The following FAM117A variants were observed in gnomAD, a reference collection of about 807,000 sequenced individuals.
FAM117A encodes the protein family with sequence similarity 117 member A, also known as protein FAM117A.
FAM117A carries 21 observed loss-of-function variants against 44.1 expected under a neutral mutation model. That is an observed-to-expected ratio of 0.48 (90% CI 0.34 to 0.69). FAM117A has a LOEUF of 0.69. Among genes scored for constraint, FAM117A ranks in the 30% least tolerant of loss-of-function variants. The probability of loss-of-function intolerance (pLI) is 0.01; values close to 1 mark genes in which losing one functional copy is unlikely to be tolerated. For missense variants in FAM117A, 498 were observed against 589.9 expected (o/e 0.84, Z 1.61); for synonymous variants, 220 against 238.3 (o/e 0.92, Z 0.71).
At chr17:49,754,655 AG>A (rs925959077) in intron 1 of FAM117A, among the ~76,000 whole-genome samples, 3 of 152,048 alleles carry the variant, frequency 2.0e-5, no homozygotes, top group African/African-American at 7.2e-5. Context: ...GAGGAGAAGA[AG>A]GGGAGGGAAG....
intron 2 of FAM117A, among the ~76,000 whole-genome samples, chr17:49,731,659 T>C (rs1446038277): frequency 6.6e-6 from 1 of 152,244 alleles, no homozygotes; most frequent in East Asian, 1.9e-4. Flanking sequence ...ATCTGAGAAC[T>C]TCCCATTCCT....
Position 49,759,783 on chromosome 17 carries a change from C to T in FAM117A, c.196+4109G>A, listed in dbSNP as rs142627236. Among the ~76,000 whole-genome samples, 10 of 152,288 alleles carry T rather than the reference C, an allele frequency of 6.6e-5. No homozygotes were observed. The East Asian group carries it at 1.9e-3, about 29-fold the overall frequency. On this transcript the variant is annotated intron_variant, in intron 1 of 7. Transcript: ENST00000240364. ...TTTAATAATATAAGCACTGCAGCCT[C>T]GTATTCACGAAACAGCCATCCTGGG...
chr17:49,754,373 C>T (rs554493975), intron 1 of FAM117A, among the ~76,000 whole-genome samples: 9 of 151,754 alleles, frequency 5.9e-5, no homozygotes, highest in Admixed American at 2.6e-4. Context: ...GGCGCCATCT[C>T]GGCGCACTGC....
chr17:49,744,255 A>G (rs1458178016), intron 1 of FAM117A, among the ~76,000 whole-genome samples: 1 of 152,070 alleles, frequency 6.6e-6, no homozygotes, highest in African/African-American at 2.4e-5. Context: ...ACCTATGCAC[A>G]TCCTCCCGAA....
intron 2 of FAM117A, among the ~76,000 whole-genome samples, chr17:49,723,166 G>T (rs1217425477): frequency 6.6e-6 from 1 of 152,122 alleles, no homozygotes; most frequent in Non-Finnish European, 1.5e-5. Flanking sequence ...TGGAATAAGT[G>T]TTACTCCCCC....
At chr17:49,738,602 T>C (rs1269706511) in intron 1 of FAM117A, among the ~76,000 whole-genome samples, 1 of 152,174 alleles carries the variant, frequency 6.6e-6, no homozygotes, top group Non-Finnish European at 1.5e-5. Flanking sequence ...CTCAGCCTTA[T>C]TTCCACAGAG....
chr17:49,756,672 T>C (rs1013731221), intron 1 of FAM117A, among the ~76,000 whole-genome samples: 2 of 151,248 alleles, frequency 1.3e-5, no homozygotes, highest in African/African-American at 4.9e-5. Flanking sequence ...TCGCAGCACT[T>C]TGGGAGGCCA....
At chr17:49,720,493 G>A in intron 3 of FAM117A, 57 bp from the exon 4 acceptor site, 1 of 1,385,304 alleles carries the variant, frequency 7.2e-7, no homozygotes, top group Non-Finnish European at 1.0e-6. Flanking sequence ...AAGTGCACTG[G>A]GTCCCTCTTC....
rs1044580773 is a variant in FAM117A at position 49,710,881 on chromosome 17, G to A, written c.*374C>T. 2.3e-5 allele frequency: 4 copies of A among 174,670 alleles called. No individual in the cohort carries two copies. The highest frequency in any genetic ancestry group is 1.4e-4 in the South Asian group (1 of 7,248). 10.8% of individuals were successfully genotyped at this position (174,670 alleles called of 1,614,324 possible). A position where few individuals can be genotyped will look rare whatever the true frequency, so the allele number is the denominator to read the frequency against. ...GAGGAGAGGGAAGGAAATCTGTGGCGTCTTCTCTCCTTCGTTCATGGCCAG... is the reference window on the plus strand; with the variant it reads ...GAGGAGAGGGAAGGAAATCTGTGGCATCTTCTCTCCTTCGTTCATGGCCAG... On this transcript the variant is annotated 3_prime_UTR_variant, in exon 8 of 8. Coordinates refer to ENST00000240364, the MANE Select transcript of FAM117A (RefSeq NM_030802.4).
intron 1 of FAM117A, among the ~76,000 whole-genome samples, chr17:49,784,760 TATTTTCCC>T (rs1415901076): frequency 6.6e-6 from 1 of 152,232 alleles, no homozygotes; most frequent in Non-Finnish European, 1.5e-5. Context: ...CTTATCTCCC[TATTTTCCC>T]ATGTAATACT....
chr17:49,724,063 A>G (rs1436381807), intron 2 of FAM117A, among the ~76,000 whole-genome samples: 1 of 152,174 alleles, frequency 6.6e-6, no homozygotes. Context: ...TGGCTCTGTC[A>G]GTATATGGAA....
chr17:49,776,467 T>C (rs2073775875), intron 1 of FAM117A, among the ~76,000 whole-genome samples: 1 of 152,160 alleles, frequency 6.6e-6, no homozygotes, highest in South Asian at 2.1e-4. Flanking sequence ...CTAAAGACTC[T>C]AGAGCTCTGA....
At chr17:49,721,968 G>A (rs1280710818) in intron 3 of FAM117A, among the ~76,000 whole-genome samples, 1 of 152,038 alleles carries the variant, frequency 6.6e-6, no homozygotes, top group Non-Finnish European at 1.5e-5. Flanking sequence ...CTGTGGTGGT[G>A]GGTGCCTGTA....
chr17:49,776,059 C>T (rs1298146747), intron 1 of FAM117A, among the ~76,000 whole-genome samples: 1 of 152,082 alleles, frequency 6.6e-6, no homozygotes, highest in Admixed American at 6.5e-5. Context: ...GAGATAGTAA[C>T]ATCAAGGCTC....
rs966126595 is a variant in FAM117A, at chr17:49,711,550, G to A, written c.1067C>T (p.Pro356Leu). Residue 356 changes from proline (P) to leucine (L), a missense_variant, in exon 8 of 8, where the codon CCA (proline) becomes CTA (leucine). Physicochemically the swap from Pro to Leu is moderately conservative, Grantham distance 98. This residue lies in a region of FAM117A where 224 missense variants were observed against 296.5 expected (regional missense o/e 0.76). Transcript: ENST00000240364. ...KVRVFEEATS[P>L]GPDLAFLTSC... ...AGTCAGGAAGGCCAGGTCAGGACCT[G>A]GAGACCTGGAGGATGAAGAGAGACA... 6.2e-7 allele frequency: 1 copy of A among 1,613,638 alleles called. No homozygotes were observed. Among genetic ancestry groups the A allele is most frequent in the Non-Finnish European group, 8.5e-7 (1 of 1,179,968 alleles).
At chr17:49,753,618 C>T (rs112112119) in intron 1 of FAM117A, among the ~76,000 whole-genome samples, 11 of 152,114 alleles carry the variant, frequency 7.2e-5, no homozygotes, top group African/African-American at 2.7e-4. Flanking sequence ...GAGTTCGAGA[C>T]CAGCCTGGCC....
At chr17:49,753,433 C>A (rs2073685021) in intron 1 of FAM117A, among the ~76,000 whole-genome samples, 1 of 152,200 alleles carries the variant, frequency 6.6e-6, no homozygotes, top group East Asian at 1.9e-4. Flanking sequence ...ATGCCACCTG[C>A]ACCTGCAGGA....
intron 1 of FAM117A, among the ~76,000 whole-genome samples, chr17:49,780,477 C>G (rs1476371021): frequency 6.6e-6 from 1 of 152,028 alleles, no homozygotes; most frequent in Non-Finnish European, 1.5e-5. Context: ...GCCTCCTGGG[C>G]TCAAGCAATC....
chr17:49,769,495 G>A (rs188219210), intron 1 of FAM117A, among the ~76,000 whole-genome samples: 66 of 151,574 alleles, frequency 4.4e-4, no homozygotes, highest in Middle Eastern at 6.9e-3. Flanking sequence ...TCAGGAGATC[G>A]AGACCATCTT....
Sources: allele counts gnomAD v4.1 joint callset (sites outside exome capture counted in the v4.1 genomes callset), GRCh38; gene constraint gnomAD v4.1.1; regional missense constraint gnomAD v4.1.1; transcripts MANE v1.5; gene names NCBI Gene and HGNC (gene_info 2026-07-23, HGNC 2026-07-21).